The following NRG1 variants were observed in gnomAD, a reference collection of about 807,000 sequenced individuals.
NRG1 encodes the protein pro-neuregulin-1, membrane-bound isoform.
A neutral mutation model predicts 63.8 loss-of-function variants in NRG1; 18 were observed. The observed-to-expected ratio is 0.28, with a 90% CI of 0.19 to 0.42. The LOEUF is 0.42. NRG1 is among the 10% of genes least tolerant of loss of function. The pLI is 1.00. For synonymous variants in NRG1, 302 were observed against 301.3 expected, an observed-to-expected ratio of 1.00 and a Z score of -0.02; for missense variants, 762 against 814.7, an observed-to-expected ratio of 0.94 and a Z score of 0.79.
chr8:32,482,698 G>A (rs1378110724), intron 1 of NRG1, among the ~76,000 whole-genome samples: 1 of 152,120 alleles, frequency 6.6e-6, no homozygotes, highest in Non-Finnish European at 1.5e-5. Context: ...CTGACAAGAG[G>A]AAATGCATGG....
At chr8:32,185,766 C>G (rs1051320652) in intron 1 of NRG1, among the ~76,000 whole-genome samples, 4 of 152,116 alleles carry the variant, frequency 2.6e-5, no homozygotes, top group African/African-American at 9.7e-5. Flanking sequence ...CAGTGAAAAC[C>G]CATGGGAACA....
At chr8:32,233,565 T>TATATATATATATA (rs1563934722) in intron 1 of NRG1, among the ~76,000 whole-genome samples, 8 of 19,600 alleles carry the variant, frequency 4.1e-4, no homozygotes, top group African/African-American at 1.3e-3. Flanking sequence ...ATATATATAT[T>TATATATATATATA]TTTTTTTTTT....
intron 1 of NRG1, among the ~76,000 whole-genome samples, chr8:31,708,588 G>A (rs1372560305): frequency 6.7e-6 from 1 of 150,198 alleles, no homozygotes; most frequent in Admixed American, 6.6e-5. Flanking sequence ...TGGGACTACA[G>A]GCGCCCGCCA....
At chr8:31,994,677 A>AAAAAAC in intron 1 of NRG1, among the ~76,000 whole-genome samples, 2 of 149,154 alleles carry the variant, frequency 1.3e-5, no homozygotes, top group Non-Finnish European at 3.0e-5. Flanking sequence ...AAAAAAAAAA[A>AAAAAAC]AGACTTCAAA....
chr8:31,909,029 C>A (rs1832738716), intron 1 of NRG1, among the ~76,000 whole-genome samples: 1 of 151,984 alleles, frequency 6.6e-6, no homozygotes, highest in South Asian at 2.1e-4. Flanking sequence ...GGATTGTAAC[C>A]CAAACTTCAA....
intron 1 of NRG1, among the ~76,000 whole-genome samples, chr8:32,558,398 C>T (rs960692113): frequency 5.3e-5 from 8 of 152,142 alleles, no homozygotes; most frequent in Non-Finnish European, 8.8e-5. Flanking sequence ...TCAGTGCCTT[C>T]GTTTACTTTC....
chr8:32,406,191 T>A (rs1206295510), intron 1 of NRG1, among the ~76,000 whole-genome samples: 2 of 152,158 alleles, frequency 1.3e-5, no homozygotes, highest in African/African-American at 4.8e-5. Context: ...ATCTTAAATA[T>A]AATGACATAA....
intron 1 of NRG1, among the ~76,000 whole-genome samples, chr8:32,336,249 T>G (rs142384173): frequency 6.6e-6 from 1 of 152,338 alleles, no homozygotes; most frequent in African/African-American, 2.4e-5. Context: ...TCCCTTGCTC[T>G]TATACTCTAG....
intron 5 of NRG1, among the ~76,000 whole-genome samples, chr8:32,655,821 G>T (rs1801362183): frequency 6.6e-6 from 1 of 152,108 alleles, no homozygotes; most frequent in Non-Finnish European, 1.5e-5. Flanking sequence ...AAGACTGCAT[G>T]GTATGTAAAA....
chr8:31,698,048 C>T (rs1429063619), intron 1 of NRG1, among the ~76,000 whole-genome samples: 1 of 152,070 alleles, frequency 6.6e-6, no homozygotes, highest in Non-Finnish European at 1.5e-5. Context: ...CTAGTCCTTC[C>T]AGCACAGAAA....
At chr8:32,135,064 G>T (rs139535961) in intron 1 of NRG1, among the ~76,000 whole-genome samples, 4 of 152,124 alleles carry the variant, frequency 2.6e-5, no homozygotes, top group Non-Finnish European at 4.4e-5. Context: ...ACCTAACATG[G>T]TGATGCTAAA....
intron 1 of NRG1, among the ~76,000 whole-genome samples, chr8:32,517,518 A>G (rs1829946133): frequency 6.6e-6 from 1 of 152,158 alleles, no homozygotes; most frequent in Admixed American, 6.6e-5. Flanking sequence ...AGGTGTTTAT[A>G]TGTTTCTCAA....
intron 1 of NRG1, among the ~76,000 whole-genome samples, chr8:32,142,299 C>T (rs1399159435): frequency 1.3e-5 from 2 of 152,060 alleles, no homozygotes; most frequent in African/African-American, 4.8e-5. Context: ...TCACTATTTC[C>T]AGTCACAGAT....
At chr8:31,688,038 C>T (rs968726955) in intron 1 of NRG1, among the ~76,000 whole-genome samples, 23 of 152,340 alleles carry the variant, frequency 1.5e-4, no homozygotes, top group African/African-American at 5.1e-4. Flanking sequence ...TGCACTACAT[C>T]AGTCATTGTC....
At chr8:32,490,174 G>A (rs917889717) in intron 1 of NRG1, among the ~76,000 whole-genome samples, 4 of 152,108 alleles carry the variant, frequency 2.6e-5, no homozygotes, top group African/African-American at 9.7e-5. Context: ...ACACAGTGGT[G>A]TATGCCTGTA....
intron 1 of NRG1, among the ~76,000 whole-genome samples, chr8:32,081,942 C>G (rs1345531527): frequency 6.6e-6 from 1 of 152,136 alleles, no homozygotes; most frequent in African/African-American, 2.4e-5. Flanking sequence ...AAGCCTCTGG[C>G]CAATCTGCCT....
chr8:32,530,325 T>C (rs1037740143), intron 1 of NRG1, among the ~76,000 whole-genome samples: 3 of 152,134 alleles, frequency 2.0e-5, no homozygotes, highest in African/African-American at 2.4e-5. Context: ...GCCAGGATGG[T>C]CTCGATCTCC....
intron 1 of NRG1, among the ~76,000 whole-genome samples, chr8:32,259,576 C>T (rs1385954225): frequency 5.3e-5 from 8 of 152,220 alleles, no homozygotes; most frequent in Middle Eastern, 3.4e-3. Context: ...GTTATAGCAG[C>T]AGAAAACAGA....
intron 1 of NRG1, among the ~76,000 whole-genome samples, chr8:31,983,083 A>G (rs1193868089): frequency 6.6e-6 from 1 of 152,116 alleles, no homozygotes; most frequent in Non-Finnish European, 1.5e-5. Flanking sequence ...TAAGCCTAAA[A>G]TGGATATTAG....
Sources: allele counts gnomAD v4.1 joint callset (sites outside exome capture counted in the v4.1 genomes callset), GRCh38; gene constraint gnomAD v4.1.1; transcripts MANE v1.5; gene names NCBI Gene and HGNC (gene_info 2026-07-23, HGNC 2026-07-21).